ZNF652: variants seen among roughly 807,000 people sequenced by gnomAD.
The protein encoded by ZNF652 is zinc finger protein 652.
In ZNF652, 16 loss-of-function variants were observed where a neutral mutation model predicts 45.2. That is an observed-to-expected ratio of 0.35 (90% CI 0.24 to 0.54). The LOEUF is 0.54. Ranked by LOEUF, ZNF652 falls within the 20% of genes least tolerant of loss-of-function variation. The probability of loss-of-function intolerance (pLI) is 0.91; values close to 1 mark genes in which losing one functional copy is unlikely to be tolerated. For synonymous variants in ZNF652, 250 were observed against 260.6 expected (o/e 0.96, Z 0.39); for missense variants, 614 against 765.6 (o/e 0.80, Z 2.34).
intron 5 of ZNF652, among the ~76,000 whole-genome samples, chr17:49,300,564 C>G (rs1228931347): frequency 6.6e-6 from 1 of 152,156 alleles, no homozygotes; most frequent in Non-Finnish European, 1.5e-5. Flanking sequence ...GTCCATCAAT[C>G]ATTTTGTATG....
intron 1 of ZNF652, among the ~76,000 whole-genome samples, chr17:49,358,888 C>A (rs1056300435): frequency 1.3e-5 from 2 of 152,142 alleles, no homozygotes; most frequent in Admixed American, 1.3e-4. Flanking sequence ...CTAAAGCAAG[C>A]TGTTTGTATT....
chr17:49,329,416 G>A (rs960680041), intron 1 of ZNF652, among the ~76,000 whole-genome samples: 1 of 151,956 alleles, frequency 6.6e-6, no homozygotes, highest in Non-Finnish European at 1.5e-5. Context: ...TCACAATATC[G>A]ACCTGTAAAT....
At chr17:49,300,403 G>C (rs1028919394) in intron 5 of ZNF652, among the ~76,000 whole-genome samples, 4 of 152,152 alleles carry the variant, frequency 2.6e-5, no homozygotes, top group Non-Finnish European at 5.9e-5. Flanking sequence ...ATAGTTCTTA[G>C]AGCATTTAGA....
chr17:49,352,776 A>G (rs1374593019), intron 1 of ZNF652, among the ~76,000 whole-genome samples: 1 of 152,222 alleles, frequency 6.6e-6, no homozygotes, highest in East Asian at 1.9e-4. Flanking sequence ...GTATATCCAT[A>G]CAAAGGAGTA....
intron 1 of ZNF652, among the ~76,000 whole-genome samples, chr17:49,321,408 C>T (rs1027034030): frequency 2.8e-5 from 4 of 144,716 alleles, no homozygotes; most frequent in Admixed American, 2.1e-4. Context: ...GGACTACCGG[C>T]GCCCACCACC....
chr17:49,292,675 T>C lies in ZNF652; in HGVS notation c.*5738A>G, dbSNP rs1435657169. Among the ~76,000 whole-genome samples the C allele has an allele frequency of 6.6e-6, 1 of 152,076 alleles. No homozygotes were observed. Among genetic ancestry groups the C allele is most frequent in the Non-Finnish European group, 1.5e-5 (1 of 68,012 alleles). ...TGAGAAAAAGGTGTTCAAAAGACATTCAATGACCTTTAATTTTAAAGGAAC... is the reference window on the plus strand; with the variant it reads ...TGAGAAAAAGGTGTTCAAAAGACATCCAATGACCTTTAATTTTAAAGGAAC... On this transcript the variant is annotated 3_prime_UTR_variant, in exon 6 of 6. Coordinates refer to ENST00000430262, the MANE Select transcript of ZNF652 (RefSeq NM_001145365.3).
chr17:49,300,288 G>A (rs1217960944), intron 5 of ZNF652, among the ~76,000 whole-genome samples: 1 of 152,110 alleles, frequency 6.6e-6, no homozygotes, highest in Non-Finnish European at 1.5e-5. Flanking sequence ...AAAAAATGCC[G>A]CTATGCCATT....
intron 1 of ZNF652, among the ~76,000 whole-genome samples, chr17:49,351,010 TATATACACACACAC>T (rs1395695331): frequency 1.5e-4 from 3 of 19,660 alleles, no homozygotes; most frequent in African/African-American, 5.0e-4. Context: ...TATATATATA[TATATACACACACAC>T]ACACACACAC....
At chr17:49,358,193 A>C (rs1158560246) in intron 1 of ZNF652, among the ~76,000 whole-genome samples, 1 of 152,176 alleles carries the variant, frequency 6.6e-6, no homozygotes, top group Non-Finnish European at 1.5e-5. Context: ...TAAGACCAGT[A>C]AACAGTGGAG....
At chr17:49,340,674 G>A (rs1249520945) in intron 1 of ZNF652, among the ~76,000 whole-genome samples, 1 of 151,972 alleles carries the variant, frequency 6.6e-6, no homozygotes, top group African/African-American at 2.4e-5. Context: ...CCAACACTTT[G>A]GGAAGCTGAG....
chr17:49,348,587 A>C (rs1332079288), intron 1 of ZNF652, among the ~76,000 whole-genome samples: 1 of 152,084 alleles, frequency 6.6e-6, no homozygotes, highest in Non-Finnish European at 1.5e-5. Context: ...GGGAGGGGAG[A>C]GAAAGAAAAC....
At chr17:49,326,122 A>C (rs1209466133) in intron 1 of ZNF652, among the ~76,000 whole-genome samples, 2 of 152,012 alleles carry the variant, frequency 1.3e-5, no homozygotes, top group Non-Finnish European at 2.9e-5. Context: ...TGTAGCAAAC[A>C]TAAGTATGGG....
At chr17:49,356,997 T>TAAA (rs34251428) in intron 1 of ZNF652, among the ~76,000 whole-genome samples, 2 of 138,708 alleles carry the variant, frequency 1.4e-5, no homozygotes, top group Admixed American at 7.3e-5. Context: ...AACTATGTTT[T>TAAA]AAAAAAAAAA....
intron 1 of ZNF652, among the ~76,000 whole-genome samples, chr17:49,322,971 T>C (rs1455753443): frequency 6.6e-6 from 1 of 152,212 alleles, no homozygotes; most frequent in Non-Finnish European, 1.5e-5. Context: ...GGGTCTTGCT[T>C]CAATGTTGAT....
At chr17:49,327,351 C>T (rs889811133) in intron 1 of ZNF652, among the ~76,000 whole-genome samples, 2 of 151,748 alleles carry the variant, frequency 1.3e-5, no homozygotes, top group Admixed American at 6.6e-5. Flanking sequence ...TTAGTAGAGA[C>T]GGGCTTTCAC....
intron 1 of ZNF652, among the ~76,000 whole-genome samples, chr17:49,343,371 C>G (rs1274397763): frequency 6.6e-6 from 1 of 152,126 alleles, no homozygotes; most frequent in Admixed American, 6.6e-5. Flanking sequence ...CATTAGTAAC[C>G]TTACACACCA....
chr17:49,329,579 C>A (rs760015018), intron 1 of ZNF652, among the ~76,000 whole-genome samples: 6 of 152,200 alleles, frequency 3.9e-5, no homozygotes, highest in Non-Finnish European at 8.8e-5. Flanking sequence ...ACTACAGTCT[C>A]ATCTAATAAA....
intron 1 of ZNF652, among the ~76,000 whole-genome samples, chr17:49,324,923 T>A (rs1014547504): frequency 5.3e-5 from 8 of 150,836 alleles, no homozygotes; most frequent in South Asian, 4.2e-4. Context: ...GTATTTTTAA[T>A]AGAGACTAGG....
intron 5 of ZNF652, among the ~76,000 whole-genome samples, chr17:49,299,144 A>C (rs1388732163): frequency 1.3e-5 from 2 of 151,664 alleles, no homozygotes; most frequent in Non-Finnish European, 2.9e-5. Context: ...AGTCATTTAA[A>C]AATCCTCTCA....
Sources: allele counts gnomAD v4.1 joint callset (sites outside exome capture counted in the v4.1 genomes callset), GRCh38; gene constraint gnomAD v4.1.1; transcripts MANE v1.5; gene names NCBI Gene and HGNC (gene_info 2026-07-23, HGNC 2026-07-21).